The following PTPRZ1 variants were observed in gnomAD, a reference collection of about 807,000 sequenced individuals.
The protein encoded by PTPRZ1 is protein tyrosine phosphatase receptor type Z1.
Under a neutral mutation model 214.1 loss-of-function variants are expected in PTPRZ1, and 82 were observed. The observed-to-expected ratio is 0.38, with a 90% CI of 0.32 to 0.46. The LOEUF is 0.46. PTPRZ1 is among the 20% of genes least tolerant of loss of function. PTPRZ1 has a pLI of 1.00. For synonymous variants in PTPRZ1, 945 were observed against 987.9 expected, an observed-to-expected ratio of 0.96 and a Z score of 0.81; for missense variants, 2,603 against 2,748.7, an observed-to-expected ratio of 0.95 and a Z score of 1.19.
chr7:121,996,926 C>T (rs761653193), intron 9 of PTPRZ1, among the ~76,000 whole-genome samples: 1 of 152,072 alleles, frequency 6.6e-6, no homozygotes, highest in African/African-American at 2.4e-5. Flanking sequence ...TCTTCCATTA[C>T]GCTATATCAG....
At chr7:122,051,403 T>C (rs757829494) in intron 23 of PTPRZ1, 25 bp from the exon 24 acceptor site, 138 of 1,563,202 alleles carry the variant, frequency 8.8e-5, no homozygotes, top group Non-Finnish European at 1.1e-4. Context: ...AAATAACCTA[T>C]ATATTTTTTT....
chr7:122,025,806 T>C (rs991976684), intron 13 of PTPRZ1, among the ~76,000 whole-genome samples: 1 of 152,118 alleles, frequency 6.6e-6, no homozygotes, highest in Non-Finnish European at 1.5e-5. Context: ...CAGTGAGATA[T>C]TTTGGTTAGA....
chr7:122,000,488 C>T (rs1798283118), intron 10 of PTPRZ1, among the ~76,000 whole-genome samples: 1 of 150,972 alleles, frequency 6.6e-6, no homozygotes, highest in Non-Finnish European at 1.5e-5. Flanking sequence ...TTCTGTTAAT[C>T]ATGTTATTTT....
intron 8 of PTPRZ1, among the ~76,000 whole-genome samples, chr7:121,992,934 C>T (rs753562459): frequency 2.0e-5 from 3 of 152,138 alleles, no homozygotes; most frequent in South Asian, 4.1e-4. Flanking sequence ...CGTGACTTGA[C>T]GTGGGCCCCA....
intron 2 of PTPRZ1, among the ~76,000 whole-genome samples, chr7:121,951,820 A>T (rs1796548950): frequency 6.6e-6 from 1 of 152,194 alleles, no homozygotes; most frequent in South Asian, 2.1e-4. Flanking sequence ...AGTTAAACAA[A>T]GGCAAGGAAC....
chr7:121,999,097 T>C (rs1444496124), intron 10 of PTPRZ1, among the ~76,000 whole-genome samples: 1 of 152,132 alleles, frequency 6.6e-6, no homozygotes, highest in Admixed American at 6.6e-5. Context: ...TATTATAGTA[T>C]GCATCATTCC....
At chr7:121,988,092 G>T (rs2116582016) in intron 8 of PTPRZ1, among the ~76,000 whole-genome samples, 1 of 152,292 alleles carries the variant, frequency 6.6e-6, no homozygotes, top group African/African-American at 2.4e-5. Flanking sequence ...GATGGGATTT[G>T]TACTCTAAAC....
intron 17 of PTPRZ1, among the ~76,000 whole-genome samples, chr7:122,035,704 C>T (rs1213635048): frequency 6.6e-6 from 1 of 152,174 alleles, no homozygotes; most frequent in East Asian, 1.9e-4. Context: ...TCAGTGTGAC[C>T]TGTTACCATC....
intron 1 of PTPRZ1, among the ~76,000 whole-genome samples, chr7:121,913,570 C>T (rs1218717437): frequency 2.6e-5 from 4 of 152,150 alleles, no homozygotes; most frequent in Admixed American, 6.6e-5. Context: ...TTGGTTTATT[C>T]AGCAAATAGG....
intron 1 of PTPRZ1, among the ~76,000 whole-genome samples, chr7:121,886,142 T>C (rs2116189129): frequency 6.6e-6 from 1 of 152,252 alleles, no homozygotes; most frequent in East Asian, 1.9e-4. Flanking sequence ...AAATAGGTCA[T>C]CAAGAAAAGA....
chr7:121,885,680 C>G (rs887997234), intron 1 of PTPRZ1, among the ~76,000 whole-genome samples: 8 of 152,014 alleles, frequency 5.3e-5, no homozygotes, highest in Admixed American at 1.3e-4. Context: ...AATGTTATAC[C>G]AACCCTTCCC....
At chr7:121,915,077 C>T (rs1296809274) in intron 1 of PTPRZ1, among the ~76,000 whole-genome samples, 3 of 152,104 alleles carry the variant, frequency 2.0e-5, no homozygotes, top group Non-Finnish European at 4.4e-5. Flanking sequence ...CACTAGAGCA[C>T]CGCCGTATAC....
chr7:121,939,458 T>C (rs1402770233), intron 2 of PTPRZ1, among the ~76,000 whole-genome samples: 1 of 152,216 alleles, frequency 6.6e-6, no homozygotes, highest in Non-Finnish European at 1.5e-5. Context: ...TGCAGCACTT[T>C]GAAAAAAATA....
At chr7:122,020,945 CTTG>C (rs1184757773) in intron 13 of PTPRZ1, among the ~76,000 whole-genome samples, 1 of 152,088 alleles carries the variant, frequency 6.6e-6, no homozygotes, top group Non-Finnish European at 1.5e-5. Flanking sequence ...CCCCACTGAA[CTTG>C]TTGACCAAAT....
At chr7:121,989,638 T>G (rs942218716) in intron 8 of PTPRZ1, among the ~76,000 whole-genome samples, 3 of 152,170 alleles carry the variant, frequency 2.0e-5, no homozygotes, top group South Asian at 2.1e-4. Context: ...CCTCCCAAAG[T>G]GCTGGGACTA....
chr7:122,019,010 G>C, intron 12 of PTPRZ1, 114 bp from the exon 13 acceptor site: 1 of 1,008,420 alleles, frequency 9.9e-7, no homozygotes, highest in Non-Finnish European at 1.4e-6. Flanking sequence ...GCATCAAAGA[G>C]TCAAAATTTT....
intron 2 of PTPRZ1, among the ~76,000 whole-genome samples, chr7:121,933,748 A>T (rs570122969): frequency 2.6e-5 from 4 of 152,284 alleles, no homozygotes; most frequent in Non-Finnish European, 4.4e-5. Context: ...TTTTTGGTTT[A>T]GTGTTTTATT....
chr7:122,012,145 G>A lies in PTPRZ1; in HGVS notation c.3099G>A (p.Val1033=). ...CTGAATTTACATATACAACATCTGT[G>A]TTTGGTGATGATAATAAGGCGCTTT... ...SVAEFTYTTS[V]FGDDNKALSK... Residue 1033 remains valine, a synonymous_variant, in exon 12 of 30, where the codon GTG becomes GTA. Coordinates refer to ENST00000393386, the MANE Select transcript of PTPRZ1 (RefSeq NM_002851.3). 1 of 1,613,916 alleles carries A rather than the reference G, an allele frequency of 6.2e-7. No individual in the cohort carries two copies. Among genetic ancestry groups the A allele is most frequent in the Non-Finnish European group, 8.5e-7 (1 of 1,179,826 alleles).
chr7:121,948,257 TAGAA>T (rs1796445721), intron 2 of PTPRZ1, among the ~76,000 whole-genome samples: 1 of 152,196 alleles, frequency 6.6e-6, no homozygotes, highest in African/African-American at 2.4e-5. Context: ...TACATTCTAT[TAGAA>T]AGAAAAAGAC....
Sources: allele counts gnomAD v4.1 joint callset (sites outside exome capture counted in the v4.1 genomes callset), GRCh38; gene constraint gnomAD v4.1.1; transcripts MANE v1.5; gene names NCBI Gene and HGNC (gene_info 2026-07-23, HGNC 2026-07-21).